Variants in ACVR1B observed in about 807,000 individuals in gnomAD.
ACVR1B encodes the protein activin receptor type-1B.
In ACVR1B, 15 loss-of-function variants were observed where a neutral mutation model predicts 55.6. That is an observed-to-expected ratio of 0.27 (90% CI 0.18 to 0.42). ACVR1B has a LOEUF of 0.42. Among genes scored for constraint, ACVR1B ranks in the 10% least tolerant of loss-of-function variants. ACVR1B has a pLI of 1.00. For synonymous variants in ACVR1B, 247 were observed against 254.6 expected, an observed-to-expected ratio of 0.97 and a Z score of 0.28; for missense variants, 359 against 670.1, an observed-to-expected ratio of 0.54 and a Z score of 5.13.
chr12:51,962,267 A>G (rs1403930179), intron 1 of ACVR1B, among the ~76,000 whole-genome samples: 6 of 152,224 alleles, frequency 3.9e-5, no homozygotes, highest in African/African-American at 1.2e-4. Context: ...CTTATTGTTA[A>G]ATCTGTGTTT....
intron 3 of ACVR1B, among the ~76,000 whole-genome samples, chr12:51,978,706 T>C (rs1430801537): frequency 6.6e-6 from 1 of 150,638 alleles, no homozygotes; most frequent in Admixed American, 6.6e-5. Context: ...TGGCGGCGCC[T>C]GTAGTCCCAG....
intron 1 of ACVR1B, among the ~76,000 whole-genome samples, chr12:51,952,965 G>A (rs1362830608): frequency 6.6e-6 from 1 of 152,140 alleles, no homozygotes; most frequent in South Asian, 2.1e-4. Context: ...GGGCTGAGAA[G>A]AGCAGATGAA....
intron 1 of ACVR1B, among the ~76,000 whole-genome samples, chr12:51,966,020 A>G (rs78271483): frequency 0.017 from 2,549 of 152,194 alleles, 70 homozygotes; most frequent in African/African-American, 0.058. Flanking sequence ...GATAGAGGGA[A>G]TACCTACACA....
chr12:51,991,173 T>G (rs577351497), intron 7 of ACVR1B, among the ~76,000 whole-genome samples: 30 of 152,348 alleles, frequency 2.0e-4, no homozygotes, highest in Middle Eastern at 3.4e-3. Flanking sequence ...ATGAGGTGGT[T>G]CTGTAGCCTC....
intron 7 of ACVR1B, 65 bp from the exon 8 acceptor site, chr12:51,991,798 C>T (rs796796526): frequency 6.4e-7 from 1 of 1,559,948 alleles, no homozygotes; most frequent in East Asian, 2.2e-5. Flanking sequence ...TAGGTTTTGT[C>T]ACCGGCTTCT....
rs184481799 is a variant in ACVR1B at position 51,961,881 on chromosome 12, G to T, written c.91+10047G>T. Among the ~76,000 whole-genome samples the T allele has an allele frequency of 1.3e-3, 193 of 152,262 alleles. 1 individual carries two copies. Among genetic ancestry groups the T allele is most frequent in the African/African-American group, 4.2e-3 (173 of 41,558 alleles). ...GCACACATAGGTCCCAGGAACATTG[G>T]ACACACTCCCTCATAATGAGGCCCA... On this transcript the variant is annotated intron_variant, in intron 1 of 8. Coordinates refer to ENST00000257963, the MANE Select transcript of ACVR1B (RefSeq NM_004302.5).
At chr12:51,969,781 G>C (rs1232753780) in intron 1 of ACVR1B, among the ~76,000 whole-genome samples, 1 of 152,182 alleles carries the variant, frequency 6.6e-6, no homozygotes, top group African/African-American at 2.4e-5. Flanking sequence ...CTACTGAGGA[G>C]GCTGAGGCAG....
intron 1 of ACVR1B, among the ~76,000 whole-genome samples, chr12:51,964,836 A>T (rs1387950252): frequency 1.4e-4 from 21 of 152,132 alleles, no homozygotes; most frequent in Admixed American, 1.4e-3. Context: ...TATACTTAGC[A>T]CCATTCTGTT....
chr12:51,986,910 A>G lies in ACVR1B; in HGVS notation c.1229A>G (p.Tyr410Cys). Residue 410 changes from tyrosine (Y) to cysteine (C), a missense_variant, in exon 7 of 9, where the codon TAT becomes TGT. Tyr to Cys is a radical substitution (Grantham distance 194). Around this residue, in one of 5 missense-constraint regions of ACVR1B, gnomAD observed 119 missense variants for 340.2 expected, o/e 0.35. Transcript: ENST00000257963. Reference sequence around the variant, plus strand: ...GATATTTATGCCCTCGGGCTTGTATATTGGGAGATTGCTCGAAGATGCAAT... The same window carrying G: ...GATATTTATGCCCTCGGGCTTGTATGTTGGGAGATTGCTCGAAGATGCAAT... The part of the protein sequence containing the change: ...CADIYALGLV[Y>C]WEIARRCNSG... The G allele has an allele frequency of 6.2e-7, 1 of 1,614,204 alleles. No individual in the cohort carries two copies. The highest frequency in any genetic ancestry group is 8.5e-7 in the Non-Finnish European group (1 of 1,180,038).
intron 5 of ACVR1B, among the ~76,000 whole-genome samples, 154 bp downstream of exon 5, chr12:51,984,320 C>T (rs1942038365): frequency 6.6e-6 from 1 of 152,184 alleles, no homozygotes. Context: ...TTGAGCTTCA[C>T]TTAAGTGAGG....
intron 7 of ACVR1B, among the ~76,000 whole-genome samples, 188 bp from the exon 8 acceptor site, chr12:51,991,675 T>C (rs1300981516): frequency 6.6e-6 from 1 of 152,240 alleles, no homozygotes; most frequent in Non-Finnish European, 1.5e-5. Context: ...GTGCTGGGAT[T>C]ACAGGCATGA....
At chr12:51,970,342 C>T (rs1379578831) in intron 1 of ACVR1B, among the ~76,000 whole-genome samples, 6 of 152,214 alleles carry the variant, frequency 3.9e-5, no homozygotes, top group Admixed American at 2.6e-4. Flanking sequence ...ACTGGTTTAC[C>T]GCTTGTGAGC....
chr12:51,953,293 G>T, intron 1 of ACVR1B: 5 of 971,012 alleles, frequency 5.1e-6, no homozygotes, highest in Non-Finnish European at 6.1e-6. Flanking sequence ...TGCCACTTTG[G>T]AATCTCAAAA....
At position 51,986,749 on chromosome 12, in the gene ACVR1B, T is replaced by A. The variant is rs1021422173; in HGVS notation, c.1137-69T>A. On this transcript the variant is annotated intron_variant, in intron 6 of 8. Coordinates refer to ENST00000257963, the MANE Select transcript of ACVR1B (RefSeq NM_004302.5). ...CTTCCACATTCAGAGGGCTCCTGAA[T>A]CAATACTTTGATTTAAAGAGAGCAG... 9.0e-6 allele frequency: 14 copies of A among 1,547,908 alleles called. No homozygotes were observed. In the African/African-American group the frequency reaches 1.9e-4, roughly 21 times the overall value.
chr12:51,954,299 C>T (rs1381441075), intron 1 of ACVR1B, among the ~76,000 whole-genome samples: 4 of 152,064 alleles, frequency 2.6e-5, no homozygotes, highest in South Asian at 2.1e-4. Context: ...AAATAGCATC[C>T]GTTTGATAGG....
At chr12:51,987,962 A>G (rs1942114103) in intron 7 of ACVR1B, among the ~76,000 whole-genome samples, 1 of 152,250 alleles carries the variant, frequency 6.6e-6, no homozygotes, top group African/African-American at 2.4e-5. Flanking sequence ...CCCCATAAGT[A>G]TATACATCTA....
chr12:51,953,849 G>A (rs1437960740), intron 1 of ACVR1B, among the ~76,000 whole-genome samples: 2 of 152,158 alleles, frequency 1.3e-5, no homozygotes, highest in Admixed American at 1.3e-4. Context: ...TAAAATGGAT[G>A]TTTGTGGGGG....
intron 7 of ACVR1B, chr12:51,987,329 C>A (rs1942099991): frequency 1.9e-6 from 1 of 525,512 alleles, no homozygotes; most frequent in African/African-American, 1.9e-5. Flanking sequence ...TCATGGGAAA[C>A]CCTGCTGTTT....
chr12:51,974,165 C>T (rs1235633874), intron 1 of ACVR1B, among the ~76,000 whole-genome samples: 1 of 152,112 alleles, frequency 6.6e-6, no homozygotes, highest in African/African-American at 2.4e-5. Context: ...GCCCCCACCA[C>T]CTCCACCCGC....
Sources: allele counts gnomAD v4.1 joint callset (sites outside exome capture counted in the v4.1 genomes callset), GRCh38; gene constraint gnomAD v4.1.1; regional missense constraint gnomAD v4.1.1; transcripts MANE v1.5; gene names NCBI Gene and HGNC (gene_info 2026-07-23, HGNC 2026-07-21).